The following TMTC2 variants were observed in gnomAD, a reference collection of about 807,000 sequenced individuals.
TMTC2 encodes the protein protein O-mannosyl-transferase TMTC2.
In TMTC2, 43 loss-of-function variants were observed where a neutral mutation model predicts 82.4. The observed-to-expected ratio is 0.52, with a 90% CI of 0.41 to 0.67. The LOEUF (loss-of-function observed/expected upper bound fraction) is 0.67, where lower values mean the gene tolerates loss of function less well. Among genes scored for constraint, TMTC2 ranks in the 30% least tolerant of loss-of-function variants. The pLI is 0.00. For synonymous variants in TMTC2, 408 were observed against 381.9 expected (o/e 1.07, Z -0.80); for missense variants, 919 against 1,012.4 (o/e 0.91, Z 1.25).
At chr12:82,692,751 A>G (rs544757729) in intron 1 of TMTC2, among the ~76,000 whole-genome samples, 5 of 152,316 alleles carry the variant, frequency 3.3e-5, no homozygotes, top group African/African-American at 1.2e-4. Flanking sequence ...AAGGAAAGGA[A>G]CGGTGGGTTA....
At chr12:82,732,452 C>T (rs1229703864) in intron 1 of TMTC2, among the ~76,000 whole-genome samples, 2 of 152,150 alleles carry the variant, frequency 1.3e-5, no homozygotes, top group African/African-American at 4.8e-5. Context: ...ACGCCATTCT[C>T]CTGCCTCAGC....
chr12:82,997,380 A>C (rs5028048), intron 8 of TMTC2, among the ~76,000 whole-genome samples: 1 of 35,198 alleles, frequency 2.8e-5, no homozygotes, highest in African/African-American at 8.7e-5. Flanking sequence ...ATATATATAT[A>C]TGTGTATATA....
At chr12:82,831,093 G>C (rs1230154431) in intron 1 of TMTC2, among the ~76,000 whole-genome samples, 2 of 152,212 alleles carry the variant, frequency 1.3e-5, no homozygotes, top group African/African-American at 4.8e-5. Context: ...TGGGTGATAG[G>C]AGGTGTATGA....
intron 2 of TMTC2, among the ~76,000 whole-genome samples, chr12:82,875,187 C>T (rs1872422019): frequency 6.6e-6 from 1 of 152,134 alleles, no homozygotes; most frequent in African/African-American, 2.4e-5. Context: ...GTAATTCAGG[C>T]TCTCCAAAGA....
chr12:82,687,799 C>A (rs916984810), intron 1 of TMTC2, 130 bp downstream of exon 1: 1 of 866,120 alleles, frequency 1.2e-6, no homozygotes. Flanking sequence ...TTAGGCGACA[C>A]GTAAACATTA....
intron 8 of TMTC2, among the ~76,000 whole-genome samples, chr12:82,992,331 GT>G (rs1422286217): frequency 6.6e-6 from 1 of 152,086 alleles, no homozygotes; most frequent in African/African-American, 2.4e-5. Context: ...CAATATTTGG[GT>G]TTTTTTGTTT....
intron 8 of TMTC2, among the ~76,000 whole-genome samples, chr12:83,026,453 T>A (rs1322741066): frequency 1.3e-5 from 2 of 152,060 alleles, no homozygotes; most frequent in African/African-American, 2.4e-5. Flanking sequence ...CATAATGCAA[T>A]GCAACAATGT....
At chr12:83,009,548 T>G (rs1880359756) in intron 8 of TMTC2, among the ~76,000 whole-genome samples, 1 of 151,912 alleles carries the variant, frequency 6.6e-6, no homozygotes, top group South Asian at 2.1e-4. Flanking sequence ...CTCTGATAGA[T>G]CTCAGAAAAA....
chr12:83,095,344 C>G lies in TMTC2; in HGVS notation c.2331+33513C>G, dbSNP rs912932975. Among the ~76,000 whole-genome samples the G allele has an allele frequency of 2.6e-5, 4 of 151,584 alleles. No individual in the cohort carries two copies. In the South Asian group the frequency reaches 8.4e-4, roughly 32 times the overall value. ...CAAGCTCTGCCTCCCGGGTTCACGC[C>G]ATTCTCCTGCCTCAGCCTCCCAAGT... On this transcript the variant is annotated intron_variant, in intron 11 of 11. Coordinates refer to ENST00000321196, the MANE Select transcript of TMTC2 (RefSeq NM_152588.3).
At chr12:83,025,849 C>T (rs1351592995) in intron 8 of TMTC2, among the ~76,000 whole-genome samples, 1 of 152,152 alleles carries the variant, frequency 6.6e-6, no homozygotes, top group Non-Finnish European at 1.5e-5. Flanking sequence ...TACAATTGAA[C>T]AGCCAGATAA....
At chr12:82,915,442 G>C (rs1374945706) in intron 3 of TMTC2, among the ~76,000 whole-genome samples, 1 of 152,160 alleles carries the variant, frequency 6.6e-6, no homozygotes, top group Non-Finnish European at 1.5e-5. Context: ...AACAGGGCTA[G>C]TACTACAACG....
intron 1 of TMTC2, among the ~76,000 whole-genome samples, chr12:82,726,878 C>CAAA (rs757515287): frequency 4.7e-5 from 2 of 42,304 alleles, no homozygotes; most frequent in African/African-American, 8.9e-5. Context: ...GACTCTGTCT[C>CAAA]AAAAAAAAAA....
At chr12:82,978,094 T>C (rs1592670475) in intron 7 of TMTC2, among the ~76,000 whole-genome samples, 1 of 151,928 alleles carries the variant, frequency 6.6e-6, no homozygotes, top group East Asian at 1.9e-4. Flanking sequence ...CTTTCAGACT[T>C]TCTTCAATGA....
At chr12:83,020,863 T>A (rs931437429) in intron 8 of TMTC2, among the ~76,000 whole-genome samples, 7 of 152,198 alleles carry the variant, frequency 4.6e-5, no homozygotes, top group South Asian at 2.1e-4. Flanking sequence ...GCTAAACACC[T>A]TCATTTATGT....
At chr12:83,053,947 G>C (rs1882443730) in intron 10 of TMTC2, among the ~76,000 whole-genome samples, 1 of 152,084 alleles carries the variant, frequency 6.6e-6, no homozygotes, top group Non-Finnish European at 1.5e-5. Context: ...TTGGCCCTTT[G>C]TTTTAGAGAA....
At position 83,125,079 on chromosome 12, in the gene TMTC2, A is replaced by G. The variant is rs146485251; in HGVS notation, c.2332-7131A>G. On this transcript the variant is annotated intron_variant, in intron 11 of 11. Coordinates refer to ENST00000321196, the MANE Select transcript of TMTC2 (RefSeq NM_152588.3). ...AGAAAGGCTATAAAGGTTATTCTGC[A>G]TGCTGGCTAGCTAGGAGCTGCTGTC... Among the ~76,000 whole-genome samples the G allele has an allele frequency of 5.3e-5, 8 of 152,336 alleles. No individual in the cohort carries two copies. The East Asian group carries it at 1.5e-3, about 29-fold the overall frequency.
intron 1 of TMTC2, among the ~76,000 whole-genome samples, chr12:82,776,525 C>T (rs1477355663): frequency 6.7e-6 from 1 of 150,246 alleles, no homozygotes; most frequent in East Asian, 2.0e-4. Flanking sequence ...AATCTCAGCA[C>T]TTTGGGAGGC....
intron 1 of TMTC2, among the ~76,000 whole-genome samples, chr12:82,703,481 A>G (rs1479687610): frequency 1.3e-5 from 2 of 151,162 alleles, no homozygotes; most frequent in African/African-American, 4.9e-5. Flanking sequence ...CTGTAATGGA[A>G]GATAGATAGT....
rs577920431 is a variant in TMTC2, at chr12:82,981,844, C to T, written c.1949-4081C>T. Reference sequence around the variant, plus strand: ...GCACTTTAACCAAGCTTGTAGAATCCCATATATACCACTCTGTCCTAAAAC... The same window carrying T: ...GCACTTTAACCAAGCTTGTAGAATCTCATATATACCACTCTGTCCTAAAAC... On this transcript the variant is annotated intron_variant, in intron 7 of 11. Transcript: ENST00000321196. Among the ~76,000 whole-genome samples, 75 of 151,742 alleles carry T rather than the reference C, an allele frequency of 4.9e-4. 1 individual carries two copies. Among genetic ancestry groups the T allele is most frequent in the African/African-American group, 1.3e-3 (53 of 41,440 alleles).
Sources: gnomAD v4.1 joint callset for allele counts (sites outside exome capture counted in the v4.1 genomes callset) on GRCh38, gnomAD v4.1.1 for gene constraint, MANE v1.5 for transcripts, NCBI Gene and HGNC (gene_info 2026-07-23, HGNC 2026-07-21) for gene names.